The following FGD6 variants were observed in gnomAD, a reference collection of about 807,000 sequenced individuals.
FGD6 encodes FYVE, RhoGEF and PH domain containing 6, also known as FYVE, RhoGEF and PH domain-containing protein 6.
A neutral mutation model predicts 149.4 loss-of-function variants in FGD6; 90 were observed. The ratio of observed to expected loss-of-function variants is 0.60; its 90% CI spans 0.51 to 0.72. FGD6 has a LOEUF of 0.72. Among genes scored for constraint, FGD6 ranks in the 30% least tolerant of loss-of-function variants. FGD6 has a pLI of 0.00. For synonymous variants in FGD6, 527 were observed against 584.0 expected (o/e 0.90, Z 1.41); for missense variants, 1,437 against 1,684.8 (o/e 0.85, Z 2.57).
At chr12:95,082,021 C>T (rs904319935) in intron 20 of FGD6, among the ~76,000 whole-genome samples, 2 of 152,034 alleles carry the variant, frequency 1.3e-5, no homozygotes, top group African/African-American at 4.8e-5. Flanking sequence ...CATGGAACTA[C>T]CCTTTATTTG....
intron 8 of FGD6, chr12:95,126,420 C>A: frequency 8.2e-7 from 1 of 1,219,352 alleles, no homozygotes; most frequent in Non-Finnish European, 1.1e-6. Flanking sequence ...AATAAAGGTT[C>A]TTTAAAAAAA....
At chr12:95,176,680 TAA>T (rs1881142173) in intron 2 of FGD6, among the ~76,000 whole-genome samples, 1 of 152,344 alleles carries the variant, frequency 6.6e-6, no homozygotes, top group East Asian at 1.9e-4. Flanking sequence ...CATCACTTTT[TAA>T]AAGTTATTTT....
chr12:95,194,258 G>A (rs1030250853), intron 2 of FGD6, among the ~76,000 whole-genome samples: 4 of 151,382 alleles, frequency 2.6e-5, no homozygotes, highest in South Asian at 2.1e-4. Flanking sequence ...TTTTTGAGAC[G>A]GAGTTTCACT....
At chr12:95,157,201 C>T (rs1369516346) in intron 3 of FGD6, among the ~76,000 whole-genome samples, 1 of 152,154 alleles carries the variant, frequency 6.6e-6, no homozygotes, top group Non-Finnish European at 1.5e-5. Context: ...TATATTTGTC[C>T]CTTCATGTTT....
rs181953948 is a variant in FGD6 at position 95,182,706 on chromosome 12, T to C, written c.2442-9962A>G. ...TCTTTATTTTCCTACTGAGACCTTC[T>C]TAAACAGATGAAGGCAGAAGGGATT... On this transcript the variant is annotated intron_variant, in intron 2 of 20. Coordinates refer to ENST00000343958, the MANE Select transcript of FGD6 (RefSeq NM_018351.4). Among the ~76,000 whole-genome samples, 19 of 152,336 alleles carry C rather than the reference T, an allele frequency of 1.2e-4. 1 individual carries two copies. The East Asian group carries it at 3.5e-3, about 28-fold the overall frequency.
intron 1 of FGD6, among the ~76,000 whole-genome samples, chr12:95,213,047 GT>G (rs11367658): frequency 0.29 from 43,325 of 151,764 alleles, 7,068 homozygotes; most frequent in African/African-American, 0.45. Context: ...TTTTGTCTGA[GT>G]TTTTTTTAGG....
chr12:95,166,816 AT>A (rs1375762736), intron 3 of FGD6, among the ~76,000 whole-genome samples: 1 of 150,842 alleles, frequency 6.6e-6, no homozygotes, highest in Non-Finnish European at 1.5e-5. Flanking sequence ...CATTTAGTTT[AT>A]CCACTCATCA....
chr12:95,193,925 A>G (rs532877666), intron 2 of FGD6, among the ~76,000 whole-genome samples: 1 of 151,474 alleles, frequency 6.6e-6, no homozygotes, highest in East Asian at 2.0e-4. Context: ...CTACTTTATT[A>G]TTTTATATTT....
At chr12:95,119,489 T>C (rs1879121139) in intron 8 of FGD6, among the ~76,000 whole-genome samples, 1 of 152,230 alleles carries the variant, frequency 6.6e-6, no homozygotes, top group African/African-American at 2.4e-5. Context: ...GTGCATTTAA[T>C]TTGTTTTGGC....
In FGD6 at chr12:95,172,569, G is replaced by A. The variant is rs1414510460; in HGVS notation, c.2586+31C>T. On this transcript the variant is annotated intron_variant, in intron 3 of 20. Coordinates refer to ENST00000343958, the MANE Select transcript of FGD6 (RefSeq NM_018351.4). The stretch of plus-strand genomic sequence containing the variant: ...AATATCATTCCCAAGCATAGGGAGA[G>A]GTCAAGAAGCAATTAAGTACCAAAG... The A allele has an allele frequency of 2.6e-6, 4 of 1,532,202 alleles. No individual in the cohort carries two copies. In the Admixed American group the frequency reaches 7.2e-5, roughly 27 times the overall value. The allele number at this position is 1,532,202 out of a possible 1,614,324, so 94.9% of individuals were successfully genotyped here.
rs561100118 is a variant in FGD6, at chr12:95,104,985, AAAAG to A, written c.3497+18_3497+21del. 0.018 allele frequency: 28,248 copies of A among 1,556,434 alleles called. 74 individuals are homozygous for A. The highest frequency in any genetic ancestry group is 0.033 in the South Asian group (2,667 of 81,756). On this transcript the variant is annotated intron_variant, in intron 14 of 20. Coordinates refer to ENST00000343958, the MANE Select transcript of FGD6 (RefSeq NM_018351.4). ...ACTCAGAATGAGAAAAAAAAAAAAA[AAAAG>A]AAGAAGAAAAAATTTACCTGGCTGA...
intron 8 of FGD6, chr12:95,125,925 C>T: frequency 6.9e-7 from 1 of 1,444,850 alleles, no homozygotes; most frequent in Non-Finnish European, 9.7e-7. Context: ...CAAGTACATG[C>T]AGCTCACTGA....
intron 14 of FGD6, among the ~76,000 whole-genome samples, chr12:95,097,634 C>CAA (rs34057454): frequency 0.16 from 7,018 of 42,754 alleles, 1,025 homozygotes; most frequent in African/African-American, 0.19. Context: ...GACTCTGTCT[C>CAA]AAAAAAAAAA....
chr12:95,186,319 G>C (rs534862538), intron 2 of FGD6, among the ~76,000 whole-genome samples: 2 of 119,070 alleles, frequency 1.7e-5, no homozygotes, highest in South Asian at 2.9e-4. Flanking sequence ...CACAATCTCG[G>C]CTTACTGCAA....
At chr12:95,204,438 TAAG>T (rs1366807747) in intron 2 of FGD6, among the ~76,000 whole-genome samples, 2 of 152,124 alleles carry the variant, frequency 1.3e-5, no homozygotes. Context: ...GGGATTGGAA[TAAG>T]AAGAAAAGGA....
At chr12:95,119,144 C>T (rs956865843) in intron 8 of FGD6, among the ~76,000 whole-genome samples, 2 of 152,168 alleles carry the variant, frequency 1.3e-5, no homozygotes, top group African/African-American at 4.8e-5. Flanking sequence ...AATGCTTACT[C>T]TGCCTGGTCC....
At chr12:95,084,963 CAGAA>C (rs1877810126) in intron 19 of FGD6, among the ~76,000 whole-genome samples, 1 of 152,170 alleles carries the variant, frequency 6.6e-6, no homozygotes, top group Admixed American at 6.5e-5. Context: ...GAAAACAGCT[CAGAA>C]AGGTAAGCTA....
intron 8 of FGD6, among the ~76,000 whole-genome samples, chr12:95,133,796 A>C (rs558716406): frequency 6.6e-6 from 1 of 152,336 alleles, no homozygotes; most frequent in South Asian, 2.1e-4. Context: ...CTGAGACTAC[A>C]CTAGCCTTTT....
intron 8 of FGD6, among the ~76,000 whole-genome samples, chr12:95,114,687 TCTTTAACACC>T (rs1426087363): frequency 2.0e-5 from 3 of 152,174 alleles, no homozygotes; most frequent in Admixed American, 6.6e-5. Context: ...ATTTAATAAA[TCTTTAACACC>T]AAGGTAAGTC....
Sources: allele counts gnomAD v4.1 joint callset (sites outside exome capture counted in the v4.1 genomes callset), GRCh38; gene constraint gnomAD v4.1.1; transcripts MANE v1.5; gene names NCBI Gene and HGNC (gene_info 2026-07-23, HGNC 2026-07-21).